EPHA6: variants seen among roughly 807,000 people sequenced by gnomAD.
EPHA6 encodes the protein ephrin type-A receptor 6.
Under a neutral mutation model 112.0 loss-of-function variants are expected in EPHA6, and 50 were observed. The ratio of observed to expected loss-of-function variants is 0.45; its 90% CI spans 0.36 to 0.56. The LOEUF is 0.56. Among genes scored for constraint, EPHA6 ranks in the 20% least tolerant of loss-of-function variants. EPHA6 has a pLI of 0.00. For synonymous variants in EPHA6, 529 were observed against 490.7 expected, an observed-to-expected ratio of 1.08 and a Z score of -1.03; for missense variants, 1,280 against 1,417.4, an observed-to-expected ratio of 0.90 and a Z score of 1.56.
Position 97,592,740 on chromosome 3 carries a change from A to G in EPHA6, c.2512+3A>G, listed in dbSNP as rs2093556815. Reference sequence around the variant, plus strand: ...TTTGCCCCCCAGGATTCCTGCTGGTAGGTATTTCAGGTGAAGTTTTCTGCC... The same window carrying G: ...TTTGCCCCCCAGGATTCCTGCTGGTGGGTATTTCAGGTGAAGTTTTCTGCC... On this transcript the variant is annotated splice_donor_region_variant and intron_variant, in intron 12 of 17. Transcript: ENST00000389672. 2 of 1,577,592 alleles carry G rather than the reference A, an allele frequency of 1.3e-6. No homozygotes were observed. Among genetic ancestry groups the G allele is most frequent in the Non-Finnish European group, 1.7e-6 (2 of 1,167,030 alleles).
At chr3:97,563,848 T>A (rs999393156) in intron 11 of EPHA6, among the ~76,000 whole-genome samples, 1 of 152,198 alleles carries the variant, frequency 6.6e-6, no homozygotes, top group Non-Finnish European at 1.5e-5. Flanking sequence ...AAATAATGTT[T>A]ATTTAAGCCA....
At chr3:97,675,452 C>T (rs1312939256) in intron 14 of EPHA6, among the ~76,000 whole-genome samples, 1 of 151,994 alleles carries the variant, frequency 6.6e-6, no homozygotes, top group Non-Finnish European at 1.5e-5. Flanking sequence ...TGCACTCCAG[C>T]CTGGGCAACA....
chr3:97,065,239 A>G (rs746825463), intron 3 of EPHA6, among the ~76,000 whole-genome samples: 3 of 152,150 alleles, frequency 2.0e-5, no homozygotes, highest in Non-Finnish European at 4.4e-5. Context: ...GGATTTAGCT[A>G]TTAATTTTTA....
intron 3 of EPHA6, among the ~76,000 whole-genome samples, chr3:97,013,742 T>C (rs1421091183): frequency 6.6e-6 from 1 of 152,208 alleles, no homozygotes; most frequent in Non-Finnish European, 1.5e-5. Flanking sequence ...AAAAACTTTT[T>C]ATGAAGATAT....
intron 5 of EPHA6, among the ~76,000 whole-genome samples, chr3:97,339,730 A>G (rs2083216191): frequency 6.6e-6 from 1 of 152,226 alleles, no homozygotes; most frequent in African/African-American, 2.4e-5. Context: ...ACCAAGCAGT[A>G]AAATAAACGA....
At position 97,612,021 on chromosome 3, in the gene EPHA6, G is replaced by A. The variant is rs537509004; in HGVS notation, c.2574+1167G>A. On this transcript the variant is annotated intron_variant, in intron 13 of 17. Transcript: ENST00000389672. ...AATCATCAAGTTATTATAGAGCAAT[G>A]CTGCTCGTGCAGTGTATACTCTCAA... 3.9e-5 allele frequency among the ~76,000 whole-genome samples: 6 copies of A among 152,174 alleles called. No individual in the cohort carries two copies. The East Asian group carries it at 7.7e-4, about 20-fold the overall frequency.
At chr3:96,828,467 T>G (rs2033810009) in intron 1 of EPHA6, among the ~76,000 whole-genome samples, 1 of 152,090 alleles carries the variant, frequency 6.6e-6, no homozygotes, top group Non-Finnish European at 1.5e-5. Context: ...TGTTTAGAGA[T>G]GGAAAAGAAA....
At chr3:97,310,545 T>G (rs978429096) in intron 5 of EPHA6, among the ~76,000 whole-genome samples, 19 of 136,734 alleles carry the variant, frequency 1.4e-4, no homozygotes, top group Non-Finnish European at 2.7e-4. Context: ...CTCAAAAATA[T>G]GATTATAGGC....
At chr3:97,484,081 T>C in intron 10 of EPHA6, 22 bp downstream of exon 10, 1 of 1,586,004 alleles carries the variant, frequency 6.3e-7, no homozygotes, top group Admixed American at 1.8e-5. Context: ...ATCTACACTT[T>C]TGAACAAAAC....
chr3:96,894,399 A>G (rs1575953110), intron 2 of EPHA6, among the ~76,000 whole-genome samples: 1 of 152,250 alleles, frequency 6.6e-6, no homozygotes, highest in East Asian at 1.9e-4. Flanking sequence ...TAACAAAATC[A>G]TGTGTCTCTC....
chr3:97,416,148 TAGAA>T (rs2088106987), intron 6 of EPHA6, among the ~76,000 whole-genome samples: 1 of 151,878 alleles, frequency 6.6e-6, no homozygotes, highest in African/African-American at 2.4e-5. Context: ...AGAAAAAAAG[TAGAA>T]AGAATAAAAG....
At chr3:97,258,683 C>T (rs746799912) in intron 5 of EPHA6, among the ~76,000 whole-genome samples, 3 of 152,064 alleles carry the variant, frequency 2.0e-5, no homozygotes, top group Non-Finnish European at 4.4e-5. Flanking sequence ...TGGGAAACAG[C>T]TGGTCAAAAT....
At position 97,754,351 on chromosome 3, in the gene EPHA6, G is replaced by A. The variant is rs1403440392; in HGVS notation, c.*5650G>A. The stretch of plus-strand genomic sequence containing the variant: ...GATCTGCCCGCCTCAGCCTCCCAAA[G>A]TGCTGGGATTACAGGCGTGAGCCAC... On this transcript the variant is annotated 3_prime_UTR_variant, in exon 18 of 18. Transcript: ENST00000389672. Among the ~76,000 whole-genome samples, 1 of 152,192 alleles carries A rather than the reference G, an allele frequency of 6.6e-6. No individual in the cohort carries two copies. Among genetic ancestry groups the A allele is most frequent in the Non-Finnish European group, 1.5e-5 (1 of 68,028 alleles).
intron 5 of EPHA6, among the ~76,000 whole-genome samples, chr3:97,321,608 T>A (rs973928626): frequency 8.6e-5 from 13 of 152,030 alleles, no homozygotes; most frequent in African/African-American, 3.1e-4. Context: ...AATGGGTCTG[T>A]GACCCAAATA....
At chr3:97,603,272 G>A (rs1195214773) in intron 12 of EPHA6, among the ~76,000 whole-genome samples, 1 of 151,860 alleles carries the variant, frequency 6.6e-6, no homozygotes, top group Non-Finnish European at 1.5e-5. Flanking sequence ...ATATTACTGA[G>A]GTCAACTGAT....
At chr3:96,921,502 C>T (rs993684835) in intron 2 of EPHA6, among the ~76,000 whole-genome samples, 2 of 151,892 alleles carry the variant, frequency 1.3e-5, no homozygotes, top group Non-Finnish European at 2.9e-5. Context: ...CTTCATAAAA[C>T]TCTATTCAAC....
intron 5 of EPHA6, among the ~76,000 whole-genome samples, chr3:97,391,745 GC>G (rs2086411513): frequency 6.6e-6 from 1 of 151,786 alleles, no homozygotes; most frequent in Admixed American, 6.6e-5. Context: ...GAAGCCTTAA[GC>G]TAGTCTGGTG....
intron 3 of EPHA6, among the ~76,000 whole-genome samples, chr3:97,059,342 G>A (rs1469461466): frequency 3.9e-5 from 6 of 152,108 alleles, no homozygotes. Context: ...GCTTTGATTG[G>A]AAAGGAAATC....
chr3:97,181,894 G>A (rs1445998063), intron 3 of EPHA6, among the ~76,000 whole-genome samples: 1 of 152,016 alleles, frequency 6.6e-6, no homozygotes, highest in African/African-American at 2.4e-5. Context: ...GTACTCCAGG[G>A]ACTGTCACTG....
Sources: gnomAD v4.1 joint callset for allele counts (sites outside exome capture counted in the v4.1 genomes callset) on GRCh38, gnomAD v4.1.1 for gene constraint, MANE v1.5 for transcripts, NCBI Gene and HGNC (gene_info 2026-07-23, HGNC 2026-07-21) for gene names.